Variants in PHKB observed in about 807,000 individuals in gnomAD.
PHKB encodes phosphorylase kinase regulatory subunit beta, also known as phosphorylase b kinase regulatory subunit beta.
A neutral mutation model predicts 152.1 loss-of-function variants in PHKB; 122 were observed. That is an observed-to-expected ratio of 0.80 (90% CI 0.69 to 0.93). The LOEUF is 0.93. PHKB is among the 40% of genes least tolerant of loss of function. The probability of loss-of-function intolerance (pLI) is 0.00; values close to 1 mark genes in which losing one functional copy is unlikely to be tolerated. For synonymous variants in PHKB, 436 were observed against 464.9 expected (o/e 0.94, Z 0.80); for missense variants, 1,304 against 1,328.4 (o/e 0.98, Z 0.29).
At chr16:47,681,962 C>G (rs867790833) in intron 26 of PHKB, among the ~76,000 whole-genome samples, 1 of 152,140 alleles carries the variant, frequency 6.6e-6, no homozygotes, top group Admixed American at 6.5e-5. Context: ...TTAGGGCAGG[C>G]CTGGTGGTGA....
At chr16:47,502,900 A>G (rs912832857) in intron 3 of PHKB, 91 bp from the exon 4 acceptor site, 10 of 798,296 alleles carry the variant, frequency 1.3e-5, no homozygotes, top group Non-Finnish European at 1.7e-5. Context: ...ACACAGGATT[A>G]GCCAGATAGT....
At chr16:47,517,387 C>G (rs976745474) in intron 6 of PHKB, among the ~76,000 whole-genome samples, 2 of 151,848 alleles carry the variant, frequency 1.3e-5, no homozygotes. Flanking sequence ...TCCTCAGTAG[C>G]TGGGACTGCA....
intron 27 of PHKB, among the ~76,000 whole-genome samples, chr16:47,692,365 C>T (rs1037226827): frequency 6.6e-6 from 1 of 152,148 alleles, no homozygotes; most frequent in Non-Finnish European, 1.5e-5. Context: ...CCTATAATCC[C>T]AGCACTTTGG....
At chr16:47,606,310 C>A (rs913160430) in intron 13 of PHKB, among the ~76,000 whole-genome samples, 2 of 152,088 alleles carry the variant, frequency 1.3e-5, no homozygotes, top group Non-Finnish European at 2.9e-5. Context: ...AAATTTATAA[C>A]CATTGGTTCC....
At position 47,648,606 on chromosome 16, in the gene PHKB, G is replaced by C. The variant is rs1973177817; in HGVS notation, c.1682G>C (p.Gly561Ala). 1.2e-6 allele frequency: 2 copies of C among 1,609,172 alleles called. No individual in the cohort carries two copies. The highest frequency in any genetic ancestry group is 8.5e-7 in the Non-Finnish European group (1 of 1,175,636). ...CCAGACAGGCCCATTGGCTGCCTCG[G>C]GACATCAAAGGTACTCATGAAATGT... ...GRPDRPIGCL[G>A]TSKIYRILGK... Residue 561 changes from glycine (G) to alanine (A), a missense_variant, in exon 17 of 31, where the codon GGG becomes GCG. By Grantham distance (60) the Gly-to-Ala change is moderately conservative. Transcript: ENST00000323584.
chr16:47,646,509 A>G (rs1973125917), intron 16 of PHKB, among the ~76,000 whole-genome samples: 1 of 140,784 alleles, frequency 7.1e-6, no homozygotes, highest in Non-Finnish European at 1.5e-5. Context: ...GTGCATATGT[A>G]CCCTAAAACT....
intron 26 of PHKB, among the ~76,000 whole-genome samples, chr16:47,683,757 C>G (rs987772594): frequency 3.9e-5 from 6 of 152,186 alleles, no homozygotes; most frequent in Admixed American, 1.3e-4. Context: ...GCACGGTGCA[C>G]TTCACCCACT....
At chr16:47,670,842 C>T (rs546686101) in intron 26 of PHKB, among the ~76,000 whole-genome samples, 1 of 152,250 alleles carries the variant, frequency 6.6e-6, no homozygotes, top group South Asian at 2.1e-4. Context: ...ATAACTTTTA[C>T]CAATATATCT....
At chr16:47,502,483 T>C (rs1281351264) in intron 3 of PHKB, among the ~76,000 whole-genome samples, 1 of 152,182 alleles carries the variant, frequency 6.6e-6, no homozygotes, top group Non-Finnish European at 1.5e-5. Context: ...TGGATGTGTG[T>C]TTAGTTGAAG....
In PHKB at chr16:47,594,226, T is replaced by G. The variant is rs1972080009; in HGVS notation, c.1204+12T>G. The G allele has an allele frequency of 1.4e-6, 2 of 1,406,836 alleles. No individual in the cohort carries two copies. Among genetic ancestry groups the G allele is most frequent in the African/African-American group, 1.4e-5 (1 of 70,910 alleles). 87.1% of individuals were successfully genotyped at this position (1,406,836 alleles called of 1,614,324 possible). A position where few individuals can be genotyped will look rare whatever the true frequency, so the allele number is the denominator to read the frequency against. ...TCATACCACAGAAGGTATAGTTGTT[T>G]TTTTAAGAAATTCTTCCTACCAACA... On this transcript the variant is annotated intron_variant, in intron 12 of 30. Transcript: ENST00000323584.
At chr16:47,546,100 G>A (rs974222954) in intron 6 of PHKB, among the ~76,000 whole-genome samples, 4 of 152,128 alleles carry the variant, frequency 2.6e-5, no homozygotes, top group Admixed American at 1.3e-4. Context: ...CTTTGAACTC[G>A]TCAAAGTCAT....
chr16:47,667,203 G>A (rs147665330), intron 25 of PHKB, among the ~76,000 whole-genome samples: 4 of 152,138 alleles, frequency 2.6e-5, no homozygotes, highest in African/African-American at 9.6e-5. Flanking sequence ...GGGCCAAGGC[G>A]GGAGGATCAC....
intron 6 of PHKB, among the ~76,000 whole-genome samples, chr16:47,517,281 G>A (rs1970614005): frequency 1.4e-5 from 2 of 147,038 alleles, no homozygotes; most frequent in Non-Finnish European, 3.0e-5. Context: ...TTGAGACAGT[G>A]TATCACTCTG....
intron 7 of PHKB, among the ~76,000 whole-genome samples, chr16:47,574,495 C>T (rs1398149157): frequency 1.3e-5 from 2 of 152,184 alleles, no homozygotes; most frequent in Non-Finnish European, 2.9e-5. Context: ...TTATTTTGCT[C>T]TTTGCAAGTG....
chr16:47,632,807 T>C (rs1456695537), intron 14 of PHKB, among the ~76,000 whole-genome samples: 1 of 152,254 alleles, frequency 6.6e-6, no homozygotes, highest in Non-Finnish European at 1.5e-5. Flanking sequence ...GTTTTATTTA[T>C]AGCCCCCAGC....
chr16:47,488,228 T>G (rs564178359), intron 1 of PHKB, among the ~76,000 whole-genome samples: 1 of 152,224 alleles, frequency 6.6e-6, no homozygotes, highest in Non-Finnish European at 1.5e-5. Context: ...GTTGGCTGCA[T>G]GTATCTCTTC....
chr16:47,567,947 T>C lies in PHKB; in HGVS notation c.711-12348T>C, dbSNP rs551787249. ...CTGTTGGATTCAGTTTGCTAGTATT[T>C]TATTGAGGCTTTTTGCATCTGTATT... On this transcript the variant is annotated intron_variant, in intron 7 of 30. Coordinates refer to ENST00000323584, the MANE Select transcript of PHKB (RefSeq NM_000293.3). 3.9e-5 allele frequency among the ~76,000 whole-genome samples: 6 copies of C among 152,308 alleles called. No homozygotes were observed. The East Asian group carries it at 1.2e-3, about 29-fold the overall frequency.
intron 26 of PHKB, among the ~76,000 whole-genome samples, chr16:47,685,482 T>G (rs185880945): frequency 7.8e-4 from 119 of 152,314 alleles, no homozygotes; most frequent in African/African-American, 2.8e-3. Context: ...TTTTATGGCC[T>G]TGTCATTGGG....
intron 14 of PHKB, among the ~76,000 whole-genome samples, chr16:47,632,228 T>A (rs1410297508): frequency 1.3e-5 from 2 of 152,226 alleles, no homozygotes; most frequent in Non-Finnish European, 2.9e-5. Flanking sequence ...AGTCTACTTT[T>A]ATAAGCAGAA....
Sources: allele counts gnomAD v4.1 joint callset (sites outside exome capture counted in the v4.1 genomes callset), GRCh38; gene constraint gnomAD v4.1.1; transcripts MANE v1.5; gene names NCBI Gene and HGNC (gene_info 2026-07-23, HGNC 2026-07-21).